CEP295: variants seen among roughly 807,000 people sequenced by gnomAD.
The protein encoded by CEP295 is centrosomal protein of 295 kDa.
CEP295 carries 190 observed loss-of-function variants against 291.6 expected under a neutral mutation model. That is an observed-to-expected ratio of 0.65 (90% CI 0.58 to 0.73). CEP295 has a LOEUF of 0.73. Among genes scored for constraint, CEP295 ranks in the 30% least tolerant of loss-of-function variants. The probability of loss-of-function intolerance (pLI) is 0.00; values close to 1 mark genes in which losing one functional copy is unlikely to be tolerated. For missense variants in CEP295, 2,863 were observed against 2,949.4 expected (o/e 0.97, Z 0.68); for synonymous variants, 993 against 1,038.8 (o/e 0.96, Z 0.85).
At chr11:93,719,243 C>T (rs1197511062) in intron 18 of CEP295, among the ~76,000 whole-genome samples, 6 of 126,612 alleles carry the variant, frequency 4.7e-5, no homozygotes, top group African/African-American at 6.1e-5. Context: ...TTTTTTTTTC[C>T]GGGTTTTTTT....
chr11:93,729,835 G>T (rs1938150133), intron 27 of CEP295, 35 bp from the exon 28 acceptor site: 1 of 1,538,448 alleles, frequency 6.5e-7, no homozygotes, highest in African/African-American at 1.4e-5. Flanking sequence ...TTAAAGCCTT[G>T]TGTTTACAAC....
In CEP295 at chr11:93,684,018, C is replaced by T. The variant is rs1190182199; in HGVS notation, c.1004C>T (p.Thr335Ile). The change falls in exon 9 of 30, where the codon ACT (threonine) becomes ATT (isoleucine). Residue 335 changes from threonine to isoleucine, a missense_variant. Physicochemically the swap from Thr to Ile is moderately conservative, Grantham distance 89 (BLOSUM62 -1). Around this residue, in one of 3 missense-constraint regions of CEP295, gnomAD observed 554 missense variants for 576.0 expected, o/e 0.96. Coordinates refer to ENST00000325212, the MANE Select transcript of CEP295 (RefSeq NM_033395.2). ...HLEPEPLPTV[T>I]NQIQDEELDL... ...GAACCAGAGCCCTTGCCCACTGTGA[C>T]TAATCAGATCCAAGATGAAGAGCTG... 6.4e-7 allele frequency: 1 copy of T among 1,551,806 alleles called. No individual in the cohort carries two copies. Among genetic ancestry groups the T allele is most frequent in the Non-Finnish European group, 8.7e-7 (1 of 1,146,996 alleles).
At chr11:93,669,027 CAT>C in intron 4 of CEP295, 95 bp downstream of exon 4, 1 of 629,584 alleles carries the variant, frequency 1.6e-6, no homozygotes, top group South Asian at 2.3e-5. Flanking sequence ...ATTAAATAAA[CAT>C]AGTAGCATAT....
intron 21 of CEP295, 51 bp downstream of exon 21, chr11:93,723,340 C>T (rs1385343911): frequency 7.8e-7 from 1 of 1,287,810 alleles, no homozygotes; most frequent in African/African-American, 1.5e-5. Flanking sequence ...TTTAAATTTT[C>T]ACCTTTCATC....
chr11:93,698,574 TATC>T lies in CEP295; in HGVS notation c.3664_3666del (p.Ser1222del). 1.9e-6 allele frequency: 3 copies of T among 1,552,156 alleles called. No individual in the cohort carries two copies. Among genetic ancestry groups the T allele is most frequent in the Non-Finnish European group, 2.6e-6 (3 of 1,147,118 alleles). ...GAATCTGAGAGATTCCAGGAATGTA[TATC>T]AATCAAGAGTGACAGTACCATTCCC... On this transcript the variant is annotated inframe_deletion, in exon 15 of 30. Coordinates refer to ENST00000325212, the MANE Select transcript of CEP295 (RefSeq NM_033395.2).
At chr11:93,713,741 T>A (rs1408760213) in intron 18 of CEP295, among the ~76,000 whole-genome samples, 1 of 152,210 alleles carries the variant, frequency 6.6e-6, no homozygotes, top group African/African-American at 2.4e-5. Context: ...ATTATCCCTT[T>A]GAACAAACTC....
intron 18 of CEP295, among the ~76,000 whole-genome samples, chr11:93,713,736 C>A (rs778537654): frequency 1.3e-5 from 2 of 152,124 alleles, no homozygotes. Flanking sequence ...CTGTTATTAT[C>A]CCTTTGAACA....
intron 25 of CEP295, chr11:93,729,214 T>G: frequency 5.1e-6 from 3 of 583,276 alleles, no homozygotes; most frequent in Non-Finnish European, 6.1e-6. Context: ...GTGAGGGCAG[T>G]GGAGCCTAAG....
intron 15 of CEP295, among the ~76,000 whole-genome samples, chr11:93,701,290 A>G (rs996375602): frequency 1.3e-5 from 2 of 152,142 alleles, no homozygotes; most frequent in African/African-American, 2.4e-5. Flanking sequence ...ACTTGAGCCC[A>G]GGAGGTTGAG....
At chr11:93,724,172 CT>C in intron 21 of CEP295, 81 bp from the exon 22 acceptor site, 1 of 1,271,634 alleles carries the variant, frequency 7.9e-7, no homozygotes, top group Non-Finnish European at 1.1e-6. Flanking sequence ...GTTCTTAATA[CT>C]CCTTTTCTAG....
chr11:93,727,933 C>T (rs1395700689), intron 24 of CEP295: 1 of 233,294 alleles, frequency 4.3e-6, no homozygotes, highest in Non-Finnish European at 8.2e-6. Context: ...AAACTGTCTT[C>T]TGAGAGTATT....
rs765677115 is a variant in CEP295 at position 93,675,639 on chromosome 11, T to A, written c.597T>A (p.Phe199Leu). 217 of 1,505,754 alleles carry A rather than the reference T, an allele frequency of 1.4e-4. No individual in the cohort carries two copies. The highest frequency in any genetic ancestry group is 1.8e-4 in the Non-Finnish European group (204 of 1,127,218). 93.3% of individuals were successfully genotyped at this position (1,505,754 alleles called of 1,614,324 possible). A position where few individuals can be genotyped will look rare whatever the true frequency, so the allele number is the denominator to read the frequency against. The change falls in exon 6 of 30, where the codon TTT becomes TTA. Residue 199 changes from phenylalanine to leucine, a missense_variant. Transcript: ENST00000325212. ...CTACCTACCATCATCTTCACACTTT[T>A]GTGAATAGAGAGACAGACACAAAAC... Reference protein sequence around the residue: ...NSSTYHHLHTFVNRETDTKRP... With the variant: ...NSSTYHHLHTLVNRETDTKRP...
chr11:93,687,851 C>G lies in CEP295; in HGVS notation c.1322C>G (p.Ser441Cys). ...GCCAGCAAAGAGAGAACGTTATCCT[C>G]TGGGCAGGAACAAGGTATTTCTCTC... ...TIASKERTLS[S>C]GQEQVVESDT... The change falls in exon 10 of 30, where the codon TCT becomes TGT. Residue 441 changes from serine to cysteine, a missense_variant. Physicochemically the swap from Ser to Cys is moderately radical, Grantham distance 112. This residue lies in a region of CEP295 where 554 missense variants were observed against 576.0 expected (regional missense o/e 0.96). Coordinates refer to ENST00000325212, the MANE Select transcript of CEP295 (RefSeq NM_033395.2). The G allele has an allele frequency of 6.5e-7, 1 of 1,549,956 alleles. No homozygotes were observed. The highest frequency in any genetic ancestry group is 8.7e-7 in the Non-Finnish European group (1 of 1,145,920).
intron 1 of CEP295, among the ~76,000 whole-genome samples, chr11:93,664,059 T>G (rs1423225952): frequency 6.6e-6 from 1 of 152,188 alleles, no homozygotes; most frequent in East Asian, 1.9e-4. Flanking sequence ...TATAAATCAA[T>G]TTTGTTGTAC....
At chr11:93,708,452 G>T (rs1347293317) in intron 18 of CEP295, among the ~76,000 whole-genome samples, 1 of 152,090 alleles carries the variant, frequency 6.6e-6, no homozygotes, top group Non-Finnish European at 1.5e-5. Flanking sequence ...ATAACCTCCA[G>T]TTCCATCCAT....
At chr11:93,662,244 A>G (rs932628123) in intron 1 of CEP295, among the ~76,000 whole-genome samples, 67 of 152,228 alleles carry the variant, frequency 4.4e-4, no homozygotes, top group African/African-American at 1.5e-3. Context: ...TTTTAAAACA[A>G]TGGTGAACTT....
chr11:93,668,753 A>G, intron 3 of CEP295, 55 bp from the exon 4 acceptor site: 2 of 1,235,196 alleles, frequency 1.6e-6, no homozygotes, highest in Non-Finnish European at 2.3e-6. Flanking sequence ...ATCATATGAG[A>G]CACATTTCTA....
At chr11:93,682,490 C>T (rs758524668) in intron 7 of CEP295, among the ~76,000 whole-genome samples, 2 of 152,138 alleles carry the variant, frequency 1.3e-5, no homozygotes, top group Non-Finnish European at 2.9e-5. Context: ...TCCCAAAGTG[C>T]TGGGATTACA....
rs75609771 is a variant in CEP295 at position 93,705,867 on chromosome 11, C to G, written c.5597-878C>G. Among the ~76,000 whole-genome samples the G allele has an allele frequency of 1.9e-3, 287 of 152,280 alleles. 10 individuals carry two copies. The East Asian group carries it at 0.052, about 28-fold the overall frequency. On this transcript the variant is annotated intron_variant, in intron 17 of 29. Coordinates refer to ENST00000325212, the MANE Select transcript of CEP295 (RefSeq NM_033395.2). ...GACGCTCACCTTAGTATCTGTAGTT[C>G]CATTCCTTGAGAGAAGTTTAGTTTC... is the stretch of plus-strand genomic sequence containing the variant.
Sources: gnomAD v4.1 joint callset for allele counts (sites outside exome capture counted in the v4.1 genomes callset) on GRCh38, gnomAD v4.1.1 for gene constraint, gnomAD v4.1.1 regional missense constraint, MANE v1.5 for transcripts, NCBI Gene and HGNC (gene_info 2026-07-23, HGNC 2026-07-21) for gene names.